Variants in OR10J1 observed in about 807,000 individuals in gnomAD.
The protein encoded by OR10J1 is olfactory receptor family 10 subfamily J member 1, also known as olfactory receptor 10J1.
For synonymous variants in OR10J1, 202 were observed against 143.8 expected (o/e 1.40, Z -2.89); for missense variants, 474 against 376.6 (o/e 1.26, Z -2.14).
In OR10J1 at chr1:159,439,948, C is replaced by G. The variant is rs764775040; in HGVS notation, c.157C>G (p.Leu53Val). ...IIIVTIIRMDLHLHTPMYFFL... is the reference protein window; with the variant it reads ...IIIVTIIRMDVHLHTPMYFFL... ...CATTGTGACCATCATCCGAATGGAT[C>G]TTCATCTTCACACACCCATGTACTT... The change falls in exon 1 of 1, where the codon CTT (leucine) becomes GTT (valine). Residue 53 changes from leucine (L) to valine (V), a missense_variant. Transcript: ENST00000423932. 2.5e-6 allele frequency: 4 copies of G among 1,614,070 alleles called. No homozygotes were observed. In the East Asian group the frequency reaches 8.9e-5, roughly 36 times the overall value.
the OR10J1 span, among the ~76,000 whole-genome samples, chr1:159,411,835 A>G: frequency 6.6e-6 from 1 of 152,032 alleles, no homozygotes; most frequent in African/African-American, 2.4e-5. Context: ...AGTTCTGGCC[A>G]GGGCAGTTAG....
chr1:159,428,373 A>G, the OR10J1 span, among the ~76,000 whole-genome samples: 1 of 152,140 alleles, frequency 6.6e-6, no homozygotes, highest in South Asian at 2.1e-4. Flanking sequence ...TAAAACTTAT[A>G]TTTTAAAAAG....
the OR10J1 span, among the ~76,000 whole-genome samples, chr1:159,411,319 T>A: frequency 6.6e-6 from 1 of 152,128 alleles, no homozygotes; most frequent in East Asian, 1.9e-4. Flanking sequence ...CCCATTTTTA[T>A]TGTGTGGGAG....
the OR10J1 span, among the ~76,000 whole-genome samples, chr1:159,413,164 G>A: frequency 6.6e-6 from 1 of 152,148 alleles, no homozygotes; most frequent in African/African-American, 2.4e-5. Context: ...TGTTAGAATG[G>A]CAATCATTAA....
chr1:159,419,418 G>A, the OR10J1 span, among the ~76,000 whole-genome samples: 1 of 152,072 alleles, frequency 6.6e-6, no homozygotes. Context: ...TTTATAAATG[G>A]GAGTTTGCCT....
the OR10J1 span, among the ~76,000 whole-genome samples, chr1:159,425,053 G>A: frequency 1.3e-5 from 2 of 152,194 alleles, no homozygotes; most frequent in African/African-American, 2.4e-5. Context: ...CTAGAATTTG[G>A]TAAACAATGA....
At chr1:159,412,165 C>G in the OR10J1 span, among the ~76,000 whole-genome samples, 3 of 151,986 alleles carry the variant, frequency 2.0e-5, no homozygotes, top group Non-Finnish European at 2.9e-5. Context: ...GAACTACAAA[C>G]CACTGCTCAG....
At chr1:159,416,449 CTTT>C in the OR10J1 span, among the ~76,000 whole-genome samples, 2 of 139,310 alleles carry the variant, frequency 1.4e-5, no homozygotes, top group Non-Finnish European at 1.6e-5. Context: ...TGTTTTTGTC[CTTT>C]TTTTTTTTTG....
chr1:159,414,853 G>A, the OR10J1 span, among the ~76,000 whole-genome samples: 1 of 151,918 alleles, frequency 6.6e-6, no homozygotes, highest in African/African-American at 2.4e-5. Flanking sequence ...ATTTTTTCAT[G>A]TATGGTTGGT....
the OR10J1 span, among the ~76,000 whole-genome samples, chr1:159,427,335 A>C: frequency 6.6e-6 from 1 of 151,764 alleles, no homozygotes; most frequent in Admixed American, 6.6e-5. Context: ...AAAATAAAGA[A>C]AACTAAAAAA....
At chr1:159,413,404 G>T in the OR10J1 span, among the ~76,000 whole-genome samples, 2 of 151,750 alleles carry the variant, frequency 1.3e-5, no homozygotes, top group Non-Finnish European at 2.9e-5. Context: ...GTTTATTGTG[G>T]CACTATTCAC....
the OR10J1 span, among the ~76,000 whole-genome samples, chr1:159,419,404 T>A: frequency 6.6e-6 from 1 of 152,220 alleles, no homozygotes; most frequent in Non-Finnish European, 1.5e-5. Context: ...TGAGATCTGA[T>A]GGTTTTATAA....
the OR10J1 span, among the ~76,000 whole-genome samples, chr1:159,422,032 G>A: frequency 6.6e-6 from 1 of 152,132 alleles, no homozygotes; most frequent in East Asian, 1.9e-4. Context: ...GCAATGCGCT[G>A]TACAGGCCTG....
At chr1:159,409,056 C>T in the OR10J1 span, among the ~76,000 whole-genome samples, 24 of 152,166 alleles carry the variant, frequency 1.6e-4, no homozygotes, top group African/African-American at 4.8e-4. Flanking sequence ...TCATGTACTT[C>T]CTAGTATTGT....
chr1:159,418,119 A>T, the OR10J1 span, among the ~76,000 whole-genome samples: 1 of 152,224 alleles, frequency 6.6e-6, no homozygotes, highest in Non-Finnish European at 1.5e-5. Flanking sequence ...GCAACATAAA[A>T]GTTCAGAAAA....
the OR10J1 span, among the ~76,000 whole-genome samples, chr1:159,430,809 T>C: frequency 6.6e-6 from 1 of 152,142 alleles, no homozygotes; most frequent in Admixed American, 6.5e-5. Flanking sequence ...GGAACTGCAC[T>C]TGGCAATTTA....
In OR10J1 at chr1:159,440,338, G is replaced by A. The variant is rs757596691; in HGVS notation, c.547G>A (p.Val183Met). ...CCACTTCTTCTGTGACATCCGCCCT[G>A]TGATGAAGCTCTCCTGCATTGACAC... is the stretch of plus-strand genomic sequence containing the variant. ...VPHFFCDIRP[V>M]MKLSCIDTTV... Residue 183 changes from valine to methionine, a missense_variant, in exon 1 of 1, where the codon GTG becomes ATG. Coordinates refer to ENST00000423932, the MANE Select transcript of OR10J1 (RefSeq NM_012351.3). 6 of 1,614,058 alleles carry A rather than the reference G, an allele frequency of 3.7e-6. No individual in the cohort carries two copies. In the East Asian group the frequency reaches 8.9e-5, roughly 24 times the overall value.
At chr1:159,419,193 T>C in the OR10J1 span, among the ~76,000 whole-genome samples, 1 of 152,082 alleles carries the variant, frequency 6.6e-6, no homozygotes, top group Non-Finnish European at 1.5e-5. Context: ...GAAGGCATGA[T>C]TGGTTTTGAA....
chr1:159,429,405 A>C, the OR10J1 span, among the ~76,000 whole-genome samples: 2 of 152,152 alleles, frequency 1.3e-5, no homozygotes, highest in Non-Finnish European at 2.9e-5. Flanking sequence ...CTGGAGTGTG[A>C]GTGATTTGTC....
Sources: allele counts gnomAD v4.1 joint callset (sites outside exome capture counted in the v4.1 genomes callset), GRCh38; gene constraint gnomAD v4.1.1; transcripts MANE v1.5; gene names NCBI Gene and HGNC (gene_info 2026-07-23, HGNC 2026-07-21).